Variants in MSR1 observed in about 807,000 individuals in gnomAD.
The protein encoded by MSR1 is macrophage scavenger receptor 1.
A neutral mutation model predicts 47.2 loss-of-function variants in MSR1; 53 were observed. The ratio of observed to expected loss-of-function variants is 1.12; its 90% CI spans 0.90 to 1.41. The LOEUF is 1.41. MSR1 is among the 40% of genes most tolerant of loss of function. MSR1 has a pLI of 0.00. For synonymous variants in MSR1, 239 were observed against 185.6 expected (o/e 1.29, Z -2.34); for missense variants, 786 against 546.9 (o/e 1.44, Z -4.36).
chr8:16,182,944 G>A (rs553844064), intron 1 of MSR1, among the ~76,000 whole-genome samples: 2 of 152,176 alleles, frequency 1.3e-5, no homozygotes, highest in African/African-American at 4.8e-5. Flanking sequence ...TAAATGACTG[G>A]CAGAGCAGTA....
intron 8 of MSR1, among the ~76,000 whole-genome samples, chr8:16,135,637 T>C (rs1800370664): frequency 6.6e-6 from 1 of 152,188 alleles, no homozygotes; most frequent in Non-Finnish European, 1.5e-5. Context: ...ACTTAAGAAA[T>C]ACATCTTGTA....
intron 1 of MSR1, among the ~76,000 whole-genome samples, chr8:16,188,129 C>T (rs188450325): frequency 1.3e-5 from 2 of 152,202 alleles, no homozygotes; most frequent in African/African-American, 4.8e-5. Flanking sequence ...CTATTAAAAG[C>T]ACGTGCTCAT....
Position 16,127,364 on chromosome 8 carries a change from C to T in MSR1, c.1034-6758G>A, listed in dbSNP as rs372439055. Among the ~76,000 whole-genome samples the T allele has an allele frequency of 1.5e-3, 221 of 152,216 alleles. 2 individuals are homozygous for T. Among genetic ancestry groups the T allele is most frequent in the African/African-American group, 4.8e-3 (201 of 41,536 alleles). On this transcript the variant is annotated intron_variant, in intron 8 of 9. Coordinates refer to ENST00000262101, the MANE Select transcript of MSR1 (RefSeq NM_138715.3). ...TGGAAGAATTAAACTAATACATCGC[C>T]GCCCAATAAGCAATCAGCAAGACTA...
intron 8 of MSR1, chr8:16,140,120 C>T (rs1200521645): frequency 2.0e-6 from 2 of 983,924 alleles, no homozygotes; most frequent in East Asian, 2.3e-4. Context: ...TCTATGACAT[C>T]CCTATCTCTG....
rs144226780 is a variant in MSR1, at chr8:16,161,572, G to A, written c.817+2493C>T. 1.2e-3 allele frequency among the ~76,000 whole-genome samples: 189 copies of A among 152,060 alleles called. 1 individual carries two copies. Among genetic ancestry groups the A allele is most frequent in the African/African-American group, 4.4e-3 (182 of 41,526 alleles). On this transcript the variant is annotated intron_variant, in intron 5 of 9. Transcript: ENST00000262101. ...ATACCCTTGCAACATCACAATCCAA[G>A]AAATCGGTATCTACCTAGATGTTCC...
intron 8 of MSR1, among the ~76,000 whole-genome samples, chr8:16,134,843 A>C (rs182246844): frequency 1.3e-5 from 2 of 152,328 alleles, no homozygotes; most frequent in East Asian, 3.9e-4. Flanking sequence ...TTGCCGATAT[A>C]AAGTTTTAGT....
At chr8:16,128,818 C>T (rs1446948736) in intron 8 of MSR1, among the ~76,000 whole-genome samples, 2 of 151,266 alleles carry the variant, frequency 1.3e-5, no homozygotes, top group Non-Finnish European at 2.9e-5. Context: ...ACTTTAAAAG[C>T]TGATTTTTAT....
intron 5 of MSR1, among the ~76,000 whole-genome samples, chr8:16,155,836 G>C (rs755570165): frequency 1.1e-4 from 17 of 151,860 alleles, no homozygotes; most frequent in Non-Finnish European, 1.8e-4. Context: ...ATATTAAGTA[G>C]AATTTCTAGG....
At chr8:16,129,580 C>G (rs1800208259) in intron 8 of MSR1, among the ~76,000 whole-genome samples, 1 of 151,988 alleles carries the variant, frequency 6.6e-6, no homozygotes, top group South Asian at 2.1e-4. Flanking sequence ...ACCCCGTTCC[C>G]TACAAAAAAT....
intron 4 of MSR1, among the ~76,000 whole-genome samples, chr8:16,167,918 T>C (rs911844762): frequency 6.6e-6 from 1 of 152,312 alleles, no homozygotes; most frequent in Admixed American, 6.5e-5. Flanking sequence ...TGATAGATTT[T>C]AGACGTGACA....
chr8:16,164,016 A>G (rs1367085195), intron 5 of MSR1, 49 bp downstream of exon 5: 2 of 1,392,974 alleles, frequency 1.4e-6, no homozygotes, highest in East Asian at 2.4e-5. Context: ...ATGTATCAGT[A>G]TATTTTAATA....
chr8:16,152,812 T>C (rs1168152306), intron 6 of MSR1, among the ~76,000 whole-genome samples: 1 of 152,064 alleles, frequency 6.6e-6, no homozygotes, highest in African/African-American at 2.4e-5. Flanking sequence ...CTTATCATCC[T>C]GGAAGCGCTG....
chr8:16,151,973 C>T (rs1435009569), intron 6 of MSR1, among the ~76,000 whole-genome samples: 1 of 152,094 alleles, frequency 6.6e-6, no homozygotes, highest in East Asian at 1.9e-4. Context: ...TTTGTTTCTG[C>T]ATCATCAGGC....
rs557795287 is a variant in MSR1, at chr8:16,132,782, G to A, written c.1033+10776C>T. On this transcript the variant is annotated intron_variant, in intron 8 of 9. Transcript: ENST00000262101. ...CTATATTTCCTTATCTTGCCTGATT[G>A]CTCTGGCCAGGACTTCCAATACCAT... Among the ~76,000 whole-genome samples the A allele has an allele frequency of 2.0e-5, 3 of 152,230 alleles. No homozygotes were observed. The East Asian group carries it at 5.8e-4, about 29-fold the overall frequency.
rs149442018 is a variant in MSR1 at position 16,136,691 on chromosome 8, C to T, written c.1033+6867G>A. On this transcript the variant is annotated intron_variant, in intron 8 of 9. Transcript: ENST00000262101. The stretch of plus-strand genomic sequence containing the variant: ...GATCTCAGCTCACTGCAACCTCTGC[C>T]TCCTGGGTTCAAGCGATTCTCCTGC... Among the ~76,000 whole-genome samples, 21 of 152,190 alleles carry T rather than the reference C, an allele frequency of 1.4e-4. No homozygotes were observed. In the East Asian group the frequency reaches 3.5e-3, roughly 25 times the overall value.
intron 8 of MSR1, 39 bp downstream of exon 8, chr8:16,143,519 A>T (rs1800617453): frequency 6.4e-7 from 1 of 1,570,830 alleles, no homozygotes; most frequent in Non-Finnish European, 8.8e-7. Flanking sequence ...CTTACTTATT[A>T]CAAGAATTCA....
intron 7 of MSR1, among the ~76,000 whole-genome samples, chr8:16,147,670 G>A (rs1800737721): frequency 6.6e-6 from 1 of 152,056 alleles, no homozygotes; most frequent in Non-Finnish European, 1.5e-5. Flanking sequence ...TCAGACTCTT[G>A]TAGAGGAGAG....
intron 3 of MSR1, among the ~76,000 whole-genome samples, chr8:16,170,884 T>C (rs1262986403): frequency 2.0e-5 from 3 of 152,208 alleles, no homozygotes; most frequent in Non-Finnish European, 4.4e-5. Context: ...ACAGTGGTGC[T>C]GAACACTAAT....
In MSR1 at chr8:16,130,807, TG is replaced by T. The variant is rs1283875130; in HGVS notation, c.1034-10202del. Among the ~76,000 whole-genome samples the T allele has an allele frequency of 1.3e-3, 201 of 152,162 alleles. 2 individuals are homozygous for T. Among genetic ancestry groups the T allele is most frequent in the African/African-American group, 4.8e-3 (200 of 41,544 alleles). ...TCCAACCATATTCCTTCAAAGAACG[TG>T]ACTCATTCTTTTGTATGGCTGCATG... On this transcript the variant is annotated intron_variant, in intron 8 of 9. Transcript: ENST00000262101.
Sources: allele counts gnomAD v4.1 joint callset (sites outside exome capture counted in the v4.1 genomes callset), GRCh38; gene constraint gnomAD v4.1.1; transcripts MANE v1.5; gene names NCBI Gene and HGNC (gene_info 2026-07-23, HGNC 2026-07-21).